PDZRN3: variants seen among roughly 807,000 people sequenced by gnomAD.
PDZRN3 encodes E3 ubiquitin-protein ligase PDZRN3.
PDZRN3 carries 38 observed loss-of-function variants against 85.7 expected under a neutral mutation model. The observed-to-expected ratio is 0.44, with a 90% CI of 0.34 to 0.58. PDZRN3 has a LOEUF of 0.58. Among genes scored for constraint, PDZRN3 ranks in the 20% least tolerant of loss-of-function variants. The pLI, the probability that PDZRN3 is intolerant of heterozygous loss-of-function variation, is 0.01. For missense variants in PDZRN3, 1,629 were observed against 1,506.4 expected (o/e 1.08, Z -1.35); for synonymous variants, 759 against 638.0 (o/e 1.19, Z -2.86).
At chr3:73,596,586 G>T (rs553574492) in intron 3 of PDZRN3, among the ~76,000 whole-genome samples, 1 of 152,330 alleles carries the variant, frequency 6.6e-6, no homozygotes, top group Admixed American at 6.5e-5. Flanking sequence ...AGAAGGACAT[G>T]CTATCACTTC....
intron 2 of PDZRN3, among the ~76,000 whole-genome samples, chr3:73,605,071 T>C (rs1012170062): frequency 1.3e-5 from 2 of 151,988 alleles, no homozygotes; most frequent in Admixed American, 6.6e-5. Context: ...TACAAAAATT[T>C]AGCCGAGCAT....
chr3:73,407,062 C>A (rs1256281676), intron 3 of PDZRN3, among the ~76,000 whole-genome samples: 1 of 152,224 alleles, frequency 6.6e-6, no homozygotes, highest in Non-Finnish European at 1.5e-5. Flanking sequence ...TTGTGATGGG[C>A]TCCCGCCTAT....
chr3:73,470,200 T>C (rs1466071822), intron 3 of PDZRN3, among the ~76,000 whole-genome samples: 5 of 152,242 alleles, frequency 3.3e-5, no homozygotes, highest in South Asian at 4.1e-4. Context: ...TTCATAGTTA[T>C]AGCTACCAGT....
At chr3:73,610,921 CTTTA>C (rs1444172359) in intron 1 of PDZRN3, among the ~76,000 whole-genome samples, 3 of 152,124 alleles carry the variant, frequency 2.0e-5, no homozygotes, top group Non-Finnish European at 2.9e-5. Context: ...CAATAAAATG[CTTTA>C]TTTCATTTTT....
chr3:73,426,085 C>T (rs1702309404), intron 3 of PDZRN3, among the ~76,000 whole-genome samples: 1 of 151,974 alleles, frequency 6.6e-6, no homozygotes, highest in Non-Finnish European at 1.5e-5. Flanking sequence ...TTTGTAGGAG[C>T]AGGGGGTGTC....
chr3:73,509,247 T>C (rs1015435056), intron 3 of PDZRN3, among the ~76,000 whole-genome samples: 1 of 152,198 alleles, frequency 6.6e-6, no homozygotes, highest in Non-Finnish European at 1.5e-5. Context: ...CATAATCACA[T>C]TGGAAACCAG....
intron 3 of PDZRN3, among the ~76,000 whole-genome samples, chr3:73,550,289 C>G (rs1701522111): frequency 6.6e-6 from 1 of 152,128 alleles, no homozygotes; most frequent in African/African-American, 2.4e-5. Context: ...GGGGTGTGGC[C>G]CAGTGGCCTG....
rs376003418 is a variant in PDZRN3 at position 73,582,417 on chromosome 3, C to G, written c.918+19937G>C. ...AACCACTCCACTCACCAAGATAGGC[C>G]ACTGCTGGCAACTTGCTGTGTACAA... On this transcript the variant is annotated intron_variant, in intron 3 of 9. Transcript: ENST00000263666. 3.9e-5 allele frequency among the ~76,000 whole-genome samples: 6 copies of G among 152,002 alleles called. No homozygotes were observed. In the East Asian group the frequency reaches 1.2e-3, roughly 29 times the overall value.
Position 73,624,547 on chromosome 3 carries a change from G to C in PDZRN3, c.279C>G (p.Val93=). Residue 93 remains valine, a synonymous_variant, in exon 1 of 10, where the codon GTC becomes GTG. Transcript: ENST00000263666. ...AYATRGCGRV[V]KLQQLPEHLE... ...GGTGCTCCGGCAGCTGCTGCAGCTT[G>C]ACCACCCGGCCGCAGCCGCGCGTCG... 1 of 1,512,052 alleles carries C rather than the reference G, an allele frequency of 6.6e-7. No homozygotes were observed. The highest frequency in any genetic ancestry group is 8.8e-7 in the Non-Finnish European group (1 of 1,136,162). The allele number at this position is 1,512,052 out of a possible 1,614,324, so 93.7% of individuals were successfully genotyped here.
At chr3:73,610,315 C>A (rs1323790076) in intron 1 of PDZRN3, among the ~76,000 whole-genome samples, 1 of 152,140 alleles carries the variant, frequency 6.6e-6, no homozygotes, top group Non-Finnish European at 1.5e-5. Context: ...CAACAAAAAA[C>A]AGCAGAGCCT....
At chr3:73,499,993 T>C (rs930452282) in intron 3 of PDZRN3, among the ~76,000 whole-genome samples, 2 of 152,166 alleles carry the variant, frequency 1.3e-5, no homozygotes, top group African/African-American at 4.8e-5. Context: ...GTGTTGAGGA[T>C]TTCTTTCATT....
intron 3 of PDZRN3, among the ~76,000 whole-genome samples, chr3:73,505,854 A>G (rs564355182): frequency 6.6e-6 from 1 of 152,204 alleles, no homozygotes; most frequent in South Asian, 2.1e-4. Flanking sequence ...ATTGCGCTGG[A>G]TTAGAGACCC....
intron 1 of PDZRN3, among the ~76,000 whole-genome samples, chr3:73,620,486 T>G (rs1316996914): frequency 6.6e-6 from 1 of 152,162 alleles, no homozygotes; most frequent in African/African-American, 2.4e-5. Context: ...ATCCCAAGTC[T>G]GCTGCAGCTC....
intron 3 of PDZRN3, among the ~76,000 whole-genome samples, chr3:73,530,456 A>C (rs1475346683): frequency 1.3e-5 from 2 of 152,204 alleles, no homozygotes; most frequent in African/African-American, 4.8e-5. Flanking sequence ...GTTTTTATGA[A>C]AACCAAGGCA....
intron 3 of PDZRN3, among the ~76,000 whole-genome samples, chr3:73,475,461 C>G (rs186602662): frequency 2.1e-4 from 32 of 152,340 alleles, no homozygotes; most frequent in Admixed American, 7.2e-4. Context: ...GGTTCCCCCC[C>G]CAACTCTGAA....
chr3:73,606,529 C>T (rs556150807), intron 2 of PDZRN3, among the ~76,000 whole-genome samples: 1 of 152,264 alleles, frequency 6.6e-6, no homozygotes, highest in East Asian at 1.9e-4. Flanking sequence ...AGCCTGGGAT[C>T]TCAGACAACT....
At chr3:73,426,728 T>G (rs1321671348) in intron 3 of PDZRN3, among the ~76,000 whole-genome samples, 1 of 152,204 alleles carries the variant, frequency 6.6e-6, no homozygotes, top group East Asian at 1.9e-4. Flanking sequence ...CAAACCCACC[T>G]GGAGCCCTTG....
rs549059312 is a variant in PDZRN3 at position 73,519,157 on chromosome 3, G to C, written c.918+83197C>G. ...ACTGGCCACACCCACCTGGAAGCCAGGGAGCACTGGCTGATGGAGTCCCTT... is the reference window on the plus strand; with the variant it reads ...ACTGGCCACACCCACCTGGAAGCCACGGAGCACTGGCTGATGGAGTCCCTT... On this transcript the variant is annotated intron_variant, in intron 3 of 9. Coordinates refer to ENST00000263666, the MANE Select transcript of PDZRN3 (RefSeq NM_015009.3). 7.2e-5 allele frequency among the ~76,000 whole-genome samples: 11 copies of C among 152,300 alleles called. No individual in the cohort carries two copies. The South Asian group carries it at 2.1e-3, about 29-fold the overall frequency.
intron 3 of PDZRN3, among the ~76,000 whole-genome samples, chr3:73,483,974 G>A (rs1182851972): frequency 6.6e-6 from 1 of 152,118 alleles, no homozygotes; most frequent in Non-Finnish European, 1.5e-5. Flanking sequence ...AAATTTTAAT[G>A]CTTGAACGTA....
Sources: allele counts gnomAD v4.1 joint callset (sites outside exome capture counted in the v4.1 genomes callset), GRCh38; gene constraint gnomAD v4.1.1; transcripts MANE v1.5; gene names NCBI Gene and HGNC (gene_info 2026-07-23, HGNC 2026-07-21).